HERC2: variants seen among roughly 807,000 people sequenced by gnomAD.
HERC2 encodes the protein E3 ubiquitin-protein ligase HERC2.
HERC2 carries 102 observed loss-of-function variants against 537.7 expected under a neutral mutation model. The observed-to-expected ratio is 0.19, with a 90% CI of 0.16 to 0.22. HERC2 has a LOEUF of 0.22. Among genes scored for constraint, HERC2 ranks in the 10% least tolerant of loss-of-function variants. The pLI is 1.00. For synonymous variants in HERC2, 2,224 were observed against 2,466.2 expected (o/e 0.90, Z 2.91); for missense variants, 4,236 against 6,198.2 (o/e 0.68, Z 10.63).
chr15:28,124,882 T>C (rs1327403063), intron 84 of HERC2, 124 bp downstream of exon 84: 1 of 1,020,344 alleles, frequency 9.8e-7, no homozygotes, highest in East Asian at 2.5e-5. Context: ...ACTGTGTGGT[T>C]AACATTTACT....
chr15:28,117,744 G>A, intron 86 of HERC2: 1 of 363,164 alleles, frequency 2.8e-6, no homozygotes, highest in South Asian at 2.0e-5. Flanking sequence ...CCCCAACACA[G>A]GCAGTCACTC....
At chr15:28,240,366 T>C (rs986432052) in intron 23 of HERC2, among the ~76,000 whole-genome samples, 1 of 152,126 alleles carries the variant, frequency 6.6e-6, no homozygotes, top group Non-Finnish European at 1.5e-5. Flanking sequence ...TGCAGTGAGC[T>C]GAGATCACGT....
At position 28,132,254 on chromosome 15, in the gene HERC2, G is replaced by A. The variant is rs200811930; in HGVS notation, c.12416C>T (p.Ala4139Val). The change falls in exon 81 of 93, where the codon GCG becomes GTG. Residue 4139 changes from alanine (A) to valine (V), a missense_variant. This residue lies in a region of HERC2 where 94 missense variants were observed against 137.4 expected (regional missense o/e 0.68). Coordinates refer to ENST00000261609, the MANE Select transcript of HERC2 (RefSeq NM_004667.6). ...GTCAACCACACGGTGGCCCTGCAGCGCCTCCACCTTCAGAGAAAAGGGACT... is the reference window on the plus strand; with the variant it reads ...GTCAACCACACGGTGGCCCTGCAGCACCTCCACCTTCAGAGAAAAGGGACT... ...EDQLKPKLVE[A>V]LQGHRVVDIA... The A allele has an allele frequency of 1.7e-5, 28 of 1,606,696 alleles. No individual in the cohort carries two copies. The highest frequency in any genetic ancestry group is 2.2e-5 in the Non-Finnish European group (26 of 1,175,260).
rs1896825446 is a variant in HERC2, at chr15:28,191,203, A to G, written c.8493T>C (p.His2831=). 1 of 1,613,808 alleles carries G rather than the reference A, an allele frequency of 6.2e-7. No individual in the cohort carries two copies. Among genetic ancestry groups the G allele is most frequent in the African/African-American group, 1.3e-5 (1 of 74,946 alleles). The change falls in exon 54 of 93, where the codon CAT becomes CAC. Residue 2831 remains histidine (H), a synonymous_variant. Transcript: ENST00000261609. ...CAGGATCTACGATCATTTTTAATCT[A>G]TGAACAAGAACATCTGGGAAAATCT... ...RLEIFPDVLV[H]RLKMIVDPAD...
chr15:28,236,001 G>C (rs894225732), intron 26 of HERC2, among the ~76,000 whole-genome samples: 1 of 152,188 alleles, frequency 6.6e-6, no homozygotes, highest in African/African-American at 2.4e-5. Flanking sequence ...AGCCTGGTCT[G>C]GTAAAAACAC....
intron 23 of HERC2, among the ~76,000 whole-genome samples, chr15:28,243,829 G>C (rs1323721382): frequency 6.6e-6 from 1 of 152,024 alleles, no homozygotes; most frequent in African/African-American, 2.4e-5. Context: ...TGTATTAAAG[G>C]CATCCTCTAC....
At position 28,206,380 on chromosome 15, in the gene HERC2, C is replaced by A; in HGVS notation, c.7072G>T (p.Asp2358Tyr). 1.4e-6 allele frequency: 1 copy of A among 729,900 alleles called. No individual in the cohort carries two copies. The highest frequency in any genetic ancestry group is 2.5e-6 in the Non-Finnish European group (1 of 407,466). The allele number at this position is 729,900 out of a possible 1,614,324, so 45.2% of individuals were successfully genotyped here. A position where few individuals can be genotyped will look rare whatever the true frequency, so the allele number is the denominator to read the frequency against. The change falls in exon 45 of 93, where the codon GAT becomes TAT. Residue 2358 changes from aspartate (D) to tyrosine (Y), a missense_variant and splice_region_variant. Coordinates refer to ENST00000261609, the MANE Select transcript of HERC2 (RefSeq NM_004667.6). ...VQETGTVHTD[D>Y]GAVVSPDLGD... is the part of the protein sequence containing the mutation. ...AGGTCAGGTGATACCACTGCTCCAT[C>A]ATCTGAATTTAAAAACAAAATATGT...
rs201274498 is a variant in HERC2 at position 28,207,291 on chromosome 15, C to G, written c.7070-909G>C. On this transcript the variant is annotated intron_variant, in intron 44 of 92. Transcript: ENST00000261609. ...CTGGGACTACAGGCACACGCCACCA[C>G]GCCCGGCTAATTTTTGTATTTTTAG... Among the ~76,000 whole-genome samples the G allele has an allele frequency of 2.0e-5, 3 of 152,160 alleles. No individual in the cohort carries two copies. The South Asian group carries it at 6.2e-4, about 32-fold the overall frequency.
At chr15:28,304,763 G>T (rs1464393399) in intron 2 of HERC2, among the ~76,000 whole-genome samples, 1 of 137,582 alleles carries the variant, frequency 7.3e-6, no homozygotes, top group Non-Finnish European at 1.5e-5. Context: ...ACATTGCGCA[G>T]GTTAATTACA....
Position 28,265,986 on chromosome 15 carries a change from A to C in HERC2, c.1599-12T>G, listed in dbSNP as rs569207680. 3 of 1,613,132 alleles carry C rather than the reference A, an allele frequency of 1.9e-6. No homozygotes were observed. In the African/African-American group the frequency reaches 4.0e-5, roughly 22 times the overall value. On this transcript the variant is annotated splice_polypyrimidine_tract_variant and intron_variant, in intron 12 of 92. Transcript: ENST00000261609. This position sits in a 1 kb window ranked among gnomAD's most constrained non-coding sequence, Gnocchi z 4.0. ...GCTCCTCCAAAGGCCTTGGGGAGAA[A>C]GGGAACAAACATGAATGCCCTTCTT...
At chr15:28,254,252 C>A in intron 20 of HERC2, 88 bp downstream of exon 20, 1 of 922,624 alleles carries the variant, frequency 1.1e-6, no homozygotes, top group South Asian at 1.6e-5. Flanking sequence ...CATAGCACTC[C>A]GGCCTGGGCA....
chr15:28,312,872 C>T (rs1425730582), intron 2 of HERC2: 1 of 226,574 alleles, frequency 4.4e-6, no homozygotes, highest in African/African-American at 2.3e-5. Context: ...CTATCTTACA[C>T]CTCTGAAGTG....
chr15:28,145,916 G>T (rs987865101), intron 71 of HERC2, among the ~76,000 whole-genome samples: 1 of 152,156 alleles, frequency 6.6e-6, no homozygotes, highest in Admixed American at 6.5e-5. Context: ...CAAACCTTTT[G>T]AAGAAGCTCT....
rs1240600455 is a variant in HERC2, at chr15:28,113,947, G to C, written c.13914-269C>G. On this transcript the variant is annotated intron_variant, in intron 90 of 92. Transcript: ENST00000261609. This position sits in a 1 kb window ranked among gnomAD's most constrained non-coding sequence, Gnocchi z 7.0. The stretch of plus-strand genomic sequence containing the variant: ...AAGACGCCACTCTCAGTACCCACAG[G>C]ACACCCCAGGAGAAGCCAGCACCAA... Among the ~76,000 whole-genome samples, 1 of 152,134 alleles carries C rather than the reference G, an allele frequency of 6.6e-6. No homozygotes were observed. The highest frequency in any genetic ancestry group is 2.4e-5 in the African/African-American group (1 of 41,412).
At chr15:28,288,338 C>T (rs1479230574) in intron 4 of HERC2, among the ~76,000 whole-genome samples, 1 of 150,524 alleles carries the variant, frequency 6.6e-6, no homozygotes, top group African/African-American at 2.4e-5. Context: ...CCAGCCTGAC[C>T]AACATGACGA....
Position 28,274,382 on chromosome 15 carries a change from C to G in HERC2, c.709G>C (p.Glu237Gln), listed in dbSNP as rs766009752. The G allele has an allele frequency of 6.2e-7, 1 of 1,614,132 alleles. No individual in the cohort carries two copies. The highest frequency in any genetic ancestry group is 8.5e-7 in the Non-Finnish European group (1 of 1,179,990). Residue 237 changes from glutamate to glutamine, a missense_variant, in exon 7 of 93, where the codon GAG becomes CAG. Glu to Gln is a conservative substitution (Grantham distance 29). Transcript: ENST00000261609. ...GTGCTCTCGTCAAAGAGCGAGGCCTCGGGAAGTGCTCGCAGGGCGTCCAGG... is the reference window on the plus strand; with the variant it reads ...GTGCTCTCGTCAAAGAGCGAGGCCTGGGGAAGTGCTCGCAGGGCGTCCAGG... Reference protein sequence around the residue: ...ESLDALRALPEASLFDESTVS... With the variant: ...ESLDALRALPQASLFDESTVS...
chr15:28,295,312 G>GTA (rs1567131892), intron 3 of HERC2, among the ~76,000 whole-genome samples: 4 of 138,950 alleles, frequency 2.9e-5, no homozygotes, highest in African/African-American at 1.0e-4. Flanking sequence ...TGTGTGTGGG[G>GTA]GGGGGGGAGT....
intron 68 of HERC2, among the ~76,000 whole-genome samples, chr15:28,166,297 T>C (rs1240472827): frequency 1.3e-5 from 2 of 152,024 alleles, no homozygotes; most frequent in Non-Finnish European, 2.9e-5. Flanking sequence ...TCTAGCAACA[T>C]ATAAAAGCAT....
intron 25 of HERC2, among the ~76,000 whole-genome samples, 180 bp downstream of exon 25, chr15:28,237,934 T>G (rs894076551): frequency 1.3e-5 from 2 of 152,190 alleles, no homozygotes; most frequent in African/African-American, 4.8e-5. Context: ...ACATCACAGA[T>G]CTTAACATGA....
Sources: gnomAD v4.1 joint callset for allele counts (sites outside exome capture counted in the v4.1 genomes callset) on GRCh38, gnomAD v4.1.1 for gene constraint, gnomAD v4.1.1 regional missense constraint, Gnocchi (gnomAD v3.1) non-coding constraint, MANE v1.5 for transcripts, NCBI Gene and HGNC (gene_info 2026-07-23, HGNC 2026-07-21) for gene names.